TXNRD1: variants seen among roughly 807,000 people sequenced by gnomAD.
TXNRD1 encodes the protein thioredoxin reductase 1.
In TXNRD1, 57 loss-of-function variants were observed where a neutral mutation model predicts 80.3. The observed-to-expected ratio is 0.71, with a 90% CI of 0.57 to 0.89. The LOEUF is 0.89. Among genes scored for constraint, TXNRD1 ranks in the 40% least tolerant of loss-of-function variants. TXNRD1 has a pLI of 0.00. For synonymous variants in TXNRD1, 291 were observed against 285.2 expected (o/e 1.02, Z -0.20); for missense variants, 730 against 803.0 (o/e 0.91, Z 1.10).
chr12:104,297,074 C>T (rs138888747), intron 4 of TXNRD1, among the ~76,000 whole-genome samples: 12,017 of 151,998 alleles, frequency 0.079, 656 homozygotes, highest in East Asian at 0.2. Context: ...GAGGCCGAGG[C>T]GGGTGGATCA....
intron 4 of TXNRD1, chr12:104,304,648 T>C (rs1565889808): frequency 6.2e-7 from 1 of 1,613,984 alleles, no homozygotes; most frequent in Non-Finnish European, 8.5e-7. Context: ...ATCCTGATAC[T>C]CCTGTGTCCT....
chr12:104,286,229 G>C (rs189375150), intron 3 of TXNRD1: 1 of 152,158 alleles, frequency 6.6e-6, no homozygotes, highest in African/African-American at 2.4e-5. Flanking sequence ...AATATTCATA[G>C]CCTGCTAGTG....
At position 104,349,964 on chromosome 12, in the gene TXNRD1, A is replaced by G. The variant is rs1565922004; in HGVS notation, c.*1543A>G. The G allele has an allele frequency of 6.6e-6, 1 of 152,424 alleles. No individual in the cohort carries two copies. The highest frequency in any genetic ancestry group is 1.5e-5 in the Non-Finnish European group (1 of 68,042). The allele number at this position is 152,424 out of a possible 1,614,324, so 9.4% of individuals were successfully genotyped here. A position where few individuals can be genotyped will look rare whatever the true frequency, so the allele number is the denominator to read the frequency against. On this transcript the variant is annotated 3_prime_UTR_variant, in exon 17 of 17. Transcript: ENST00000525566. ...GAAATGGGAAAAGGGAAAAGGAGAG[A>G]GCAATTGAGGCAGTTGACCATATTC...
chr12:104,329,165 G>A (rs753797993), intron 13 of TXNRD1, among the ~76,000 whole-genome samples: 11 of 152,048 alleles, frequency 7.2e-5, no homozygotes, highest in Admixed American at 2.0e-4. Flanking sequence ...CAGTTGGTTC[G>A]TATTACTATT....
chr12:104,312,077 T>C (rs939245796), intron 5 of TXNRD1, among the ~76,000 whole-genome samples: 2 of 152,024 alleles, frequency 1.3e-5, no homozygotes, highest in Non-Finnish European at 2.9e-5. Flanking sequence ...CAAATATATT[T>C]CTTAGTTAAT....
intron 16 of TXNRD1, among the ~76,000 whole-genome samples, chr12:104,341,114 G>A (rs1442772867): frequency 2.0e-5 from 3 of 152,308 alleles, no homozygotes; most frequent in East Asian, 1.9e-4. Context: ...GAAGGATGCA[G>A]TGAGGACACA....
Position 104,311,323 on chromosome 12 carries a change from A to G in TXNRD1, c.448A>G (p.Lys150Glu), listed in dbSNP as rs1376978102. 6.2e-7 allele frequency: 1 copy of G among 1,609,446 alleles called. No homozygotes were observed. Among genetic ancestry groups the G allele is most frequent in the Non-Finnish European group, 8.5e-7 (1 of 1,177,680 alleles). ...GGAGGGCAGACTTCAAAAGCTACTA[A>G]AAATGAACGGCCCTGAAGATCTTCC... ...YQEGRLQKLLKMNGPEDLPKS... is the reference protein window; with the variant it reads ...YQEGRLQKLLEMNGPEDLPKS... Residue 150 changes from lysine (K) to glutamate (E), a missense_variant, in exon 5 of 17, where the codon AAA becomes GAA. Lys to Glu is a moderately conservative substitution (Grantham distance 56). Coordinates refer to ENST00000525566, the MANE Select transcript of TXNRD1 (RefSeq NM_001093771.3).
rs530715465 is a variant in TXNRD1 at position 104,239,289 on chromosome 12, G to A, written c.92-12238G>A. The stretch of plus-strand genomic sequence containing the variant: ...GCTCACTGCAACCTCTGCCTCCTGG[G>A]TTCAAGCGATTCTTCTGTCTCAGCC... On this transcript the variant is annotated intron_variant, in intron 1 of 16. Transcript: ENST00000525566. 2.0e-5 allele frequency among the ~76,000 whole-genome samples: 3 copies of A among 151,624 alleles called. No individual in the cohort carries two copies. The South Asian group carries it at 6.3e-4, about 32-fold the overall frequency.
chr12:104,301,786 A>G (rs2034634564), intron 4 of TXNRD1, among the ~76,000 whole-genome samples: 1 of 152,220 alleles, frequency 6.6e-6, no homozygotes, highest in African/African-American at 2.4e-5. Context: ...GTAATTGGCC[A>G]GACTAGGGAC....
At chr12:104,287,897 G>A (rs967728803) in intron 3 of TXNRD1, among the ~76,000 whole-genome samples, 3 of 152,214 alleles carry the variant, frequency 2.0e-5, no homozygotes, top group African/African-American at 7.2e-5. Flanking sequence ...TTGTGAAGTT[G>A]AAATGTAAAT....
intron 13 of TXNRD1, among the ~76,000 whole-genome samples, chr12:104,328,758 C>CAAAAAA (rs33918583): frequency 1.1e-5 from 1 of 92,798 alleles, no homozygotes. Context: ...GACTCTGCCT[C>CAAAAAA]AAAAAAAAAA....
At chr12:104,240,944 T>G (rs2032845703) in intron 1 of TXNRD1, among the ~76,000 whole-genome samples, 1 of 151,486 alleles carries the variant, frequency 6.6e-6, no homozygotes, top group Non-Finnish European at 1.5e-5. Flanking sequence ...GGTTTCACCG[T>G]GTTAGCCAGG....
chr12:104,321,380 G>C, intron 10 of TXNRD1, 64 bp downstream of exon 10: 1 of 1,336,352 alleles, frequency 7.5e-7, no homozygotes, highest in Non-Finnish European at 1.1e-6. Flanking sequence ...AAAGAGAGTT[G>C]AGTTGGTGGT....
At chr12:104,280,465 G>A (rs1353953470) in intron 3 of TXNRD1, 1 of 152,130 alleles carries the variant, frequency 6.6e-6, no homozygotes, top group Non-Finnish European at 1.5e-5. Flanking sequence ...GCTCTGTCCT[G>A]GGCCATCTTT....
intron 3 of TXNRD1, among the ~76,000 whole-genome samples, chr12:104,280,916 A>G (rs569423254): frequency 4.6e-5 from 7 of 152,148 alleles, no homozygotes; most frequent in South Asian, 2.1e-4. Context: ...CATGTATCCT[A>G]TTGGTTCTGT....
intron 1 of TXNRD1, among the ~76,000 whole-genome samples, chr12:104,245,371 C>T (rs2032956531): frequency 6.6e-6 from 1 of 151,114 alleles, no homozygotes; most frequent in African/African-American, 2.4e-5. Context: ...ATTAGCTGGG[C>T]ATGGTGGCAC....
intron 4 of TXNRD1, 93 bp downstream of exon 4, chr12:104,289,133 ACC>A: frequency 7.0e-7 from 1 of 1,418,920 alleles, no homozygotes; most frequent in Admixed American, 2.2e-5. Context: ...CGTGGATGTG[ACC>A]CTCCAAACGG....
chr12:104,291,050 C>T lies in TXNRD1; in HGVS notation c.414+2010C>T, dbSNP rs2034186580. On this transcript the variant is annotated intron_variant, in intron 4 of 16. Transcript: ENST00000525566. ...TCTTGAACTCCTGGGCTCAAGCGATCATCCGGCCTCGGCCTCCTAAAGTGC... is the reference window on the plus strand; with the variant it reads ...TCTTGAACTCCTGGGCTCAAGCGATTATCCGGCCTCGGCCTCCTAAAGTGC... The T allele has an allele frequency of 7.3e-6, 5 of 687,412 alleles. No homozygotes were observed. In the South Asian group the frequency reaches 7.7e-5, roughly 11 times the overall value. 42.6% of individuals were successfully genotyped at this position (687,412 alleles called of 1,614,324 possible).
chr12:104,240,876 G>A (rs1168821560), intron 1 of TXNRD1, among the ~76,000 whole-genome samples: 1 of 151,472 alleles, frequency 6.6e-6, no homozygotes, highest in African/African-American at 2.4e-5. Flanking sequence ...CTGAGTAGCT[G>A]GGACTACAGG....
Sources: allele counts gnomAD v4.1 joint callset (sites outside exome capture counted in the v4.1 genomes callset), GRCh38; gene constraint gnomAD v4.1.1; transcripts MANE v1.5; gene names NCBI Gene and HGNC (gene_info 2026-07-23, HGNC 2026-07-21).